The following RNLS variants were observed in gnomAD, a reference collection of about 807,000 sequenced individuals.
RNLS encodes renalase, FAD dependent amine oxidase, also known as renalase.
In RNLS, 39 loss-of-function variants were observed where a neutral mutation model predicts 39.8. The observed-to-expected ratio is 0.98, with a 90% CI of 0.76 to 1.28. The LOEUF is 1.28. RNLS is among the 50% of genes most tolerant of loss of function. RNLS has a pLI of 0.00. For synonymous variants in RNLS, 147 were observed against 150.7 expected (o/e 0.98, Z 0.18); for missense variants, 410 against 413.3 (o/e 0.99, Z 0.07).
rs373299083 is a variant in RNLS, at chr10:88,491,123, G to T, written c.526+81780C>A. Among the ~76,000 whole-genome samples, 7 of 152,110 alleles carry T rather than the reference G, an allele frequency of 4.6e-5. No individual in the cohort carries two copies. The East Asian group carries it at 7.7e-4, about 17-fold the overall frequency. On this transcript the variant is annotated intron_variant, in intron 4 of 6. Coordinates refer to ENST00000331772, the MANE Select transcript of RNLS (RefSeq NM_001031709.3). The stretch of plus-strand genomic sequence containing the variant: ...ATCTCCCTTTTTTGAGGGAACTGAG[G>T]CAGAGGGGAACAACCAGTCTGCTTC...
At chr10:88,474,181 T>A (rs1056941565) in intron 4 of RNLS, among the ~76,000 whole-genome samples, 10 of 152,178 alleles carry the variant, frequency 6.6e-5, no homozygotes, top group Non-Finnish European at 1.2e-4. Flanking sequence ...TTTAATGTTC[T>A]GTTAGATGAA....
rs146246118 is a variant in RNLS, at chr10:88,361,191, C to T, written c.700+1361G>A. On this transcript the variant is annotated intron_variant, in intron 5 of 6. Coordinates refer to ENST00000331772, the MANE Select transcript of RNLS (RefSeq NM_001031709.3). The stretch of plus-strand genomic sequence containing the variant: ...GGTCATCAACCCCACAGGGTTAGGG[C>T]GCTACCTTTAGGACCTCATTTAATC... 4.0e-4 allele frequency among the ~76,000 whole-genome samples: 61 copies of T among 152,280 alleles called. No individual in the cohort carries two copies. In the East Asian group the frequency reaches 9.3e-3, roughly 23 times the overall value.
chr10:88,425,860 A>G (rs1327756350), intron 4 of RNLS, among the ~76,000 whole-genome samples: 2 of 152,044 alleles, frequency 1.3e-5, no homozygotes, highest in Non-Finnish European at 2.9e-5. Flanking sequence ...GAATGGTAAG[A>G]GTAGGGCACA....
chr10:88,295,992 T>C (rs1844070038), intron 6 of RNLS, among the ~76,000 whole-genome samples: 1 of 152,166 alleles, frequency 6.6e-6, no homozygotes, highest in African/African-American at 2.4e-5. Context: ...ATAGTCATAT[T>C]ACATTATCCT....
rs370432013 is a variant in RNLS, at chr10:88,356,303, G to A, written c.700+6249C>T. 1.2e-3 allele frequency among the ~76,000 whole-genome samples: 177 copies of A among 152,274 alleles called. 3 individuals carry two copies. In the South Asian group the frequency reaches 0.033, roughly 29 times the overall value. On this transcript the variant is annotated intron_variant, in intron 5 of 6. Coordinates refer to ENST00000331772, the MANE Select transcript of RNLS (RefSeq NM_001031709.3). Reference sequence around the variant, plus strand: ...AATGCAGAAATCACCTGTCTTCTGCGTTACTCATGCCGGGAGCTGTAGACT... The same window carrying A: ...AATGCAGAAATCACCTGTCTTCTGCATTACTCATGCCGGGAGCTGTAGACT...
chr10:88,405,822 GT>G (rs1853227919), intron 4 of RNLS, among the ~76,000 whole-genome samples: 2 of 152,020 alleles, frequency 1.3e-5, no homozygotes, highest in Admixed American at 6.6e-5. Flanking sequence ...TAGGTCCTGA[GT>G]GATTTATACT....
intron 4 of RNLS, among the ~76,000 whole-genome samples, chr10:88,556,604 T>G (rs2134363233): frequency 6.6e-6 from 1 of 152,298 alleles, no homozygotes; most frequent in African/African-American, 2.4e-5. Context: ...TGCTCTCATC[T>G]TCTGCCACTG....
chr10:88,323,316 G>T (rs569064500), intron 5 of RNLS, among the ~76,000 whole-genome samples: 1 of 152,130 alleles, frequency 6.6e-6, no homozygotes, highest in East Asian at 1.9e-4. Context: ...TAAGCAAAGA[G>T]AACAAGGCTG....
chr10:88,299,133 A>C (rs1006011433), intron 6 of RNLS, among the ~76,000 whole-genome samples: 1 of 151,992 alleles, frequency 6.6e-6, no homozygotes, highest in African/African-American at 2.4e-5. Flanking sequence ...GATTTGTGAG[A>C]GTTCTTTGCA....
At chr10:88,291,504 C>A (rs1363802570) in intron 6 of RNLS, among the ~76,000 whole-genome samples, 3 of 152,162 alleles carry the variant, frequency 2.0e-5, no homozygotes, top group Non-Finnish European at 2.9e-5. Context: ...CAACTCCTGA[C>A]AGACATCACT....
At chr10:88,189,607 G>C in the RNLS span, among the ~76,000 whole-genome samples, 4 of 152,210 alleles carry the variant, frequency 2.6e-5, no homozygotes, top group Non-Finnish European at 5.9e-5. Flanking sequence ...GACTACTACT[G>C]TTCTTATTCC....
At chr10:88,172,763 T>C in the RNLS span, among the ~76,000 whole-genome samples, 1 of 151,378 alleles carries the variant, frequency 6.6e-6, no homozygotes, top group East Asian at 1.9e-4. Flanking sequence ...ACTAATGTCC[T>C]GAAGCATGTC....
chr10:88,312,273 C>T (rs183285047), intron 6 of RNLS, among the ~76,000 whole-genome samples: 1 of 152,318 alleles, frequency 6.6e-6, no homozygotes, highest in Non-Finnish European at 1.5e-5. Flanking sequence ...AGGATTTGAC[C>T]TGCTGTTGCT....
chr10:88,507,889 G>A (rs1419745522), intron 4 of RNLS, among the ~76,000 whole-genome samples: 2 of 152,124 alleles, frequency 1.3e-5, no homozygotes, highest in African/African-American at 4.8e-5. Context: ...TAAATCTAAT[G>A]TCTCTACAAT....
At chr10:88,231,775 A>G in the RNLS span, among the ~76,000 whole-genome samples, 1 of 152,254 alleles carries the variant, frequency 6.6e-6, no homozygotes, top group Non-Finnish European at 1.5e-5. Context: ...AGCACTAGGC[A>G]GACAGAAGTG....
the RNLS span, among the ~76,000 whole-genome samples, chr10:88,260,046 G>A: frequency 6.6e-6 from 1 of 152,140 alleles, no homozygotes; most frequent in Middle Eastern, 3.4e-3. Flanking sequence ...GGCCAAAGAT[G>A]GACTTTTAAG....
intron 4 of RNLS, among the ~76,000 whole-genome samples, chr10:88,435,623 T>C (rs908795248): frequency 1.3e-5 from 2 of 152,022 alleles, no homozygotes; most frequent in Admixed American, 1.3e-4. Context: ...AATTAGAAGT[T>C]TCCAGACAAC....
intron 5 of RNLS, among the ~76,000 whole-genome samples, chr10:88,348,857 T>C (rs34889119): frequency 0.018 from 2,774 of 152,282 alleles, 41 homozygotes; most frequent in South Asian, 0.06. Context: ...CAAGGCAACA[T>C]GGCCCTTCCT....
chr10:88,263,516 A>G, the RNLS span, among the ~76,000 whole-genome samples: 24 of 152,200 alleles, frequency 1.6e-4, no homozygotes, highest in Non-Finnish European at 3.2e-4. Context: ...CCCCTTCTAA[A>G]ACTCTGTGTT....
Sources: allele counts gnomAD v4.1 joint callset (sites outside exome capture counted in the v4.1 genomes callset), GRCh38; gene constraint gnomAD v4.1.1; transcripts MANE v1.5; gene names NCBI Gene and HGNC (gene_info 2026-07-23, HGNC 2026-07-21).